The following CNIH3 variants were observed in gnomAD, a reference collection of about 807,000 sequenced individuals.
The protein encoded by CNIH3 is protein cornichon homolog 3.
In CNIH3, 14 loss-of-function variants were observed where a neutral mutation model predicts 24.1. The ratio of observed to expected loss-of-function variants is 0.58; its 90% CI spans 0.38 to 0.91. CNIH3 has a LOEUF of 0.91. Ranked by LOEUF, CNIH3 falls within the 40% of genes least tolerant of loss-of-function variation. The pLI is 0.00. For synonymous variants in CNIH3, 68 were observed against 73.8 expected (o/e 0.92, Z 0.40); for missense variants, 178 against 196.8 (o/e 0.90, Z 0.57).
intron 1 of CNIH3, among the ~76,000 whole-genome samples, chr1:224,656,359 C>A (rs902266704): frequency 1.7e-4 from 26 of 152,196 alleles, no homozygotes; most frequent in African/African-American, 6.3e-4. Flanking sequence ...TTTAAAATAC[C>A]AGAATATGGA....
At chr1:224,729,533 T>G (rs1309436224) in intron 3 of CNIH3, among the ~76,000 whole-genome samples, 1 of 150,764 alleles carries the variant, frequency 6.6e-6, no homozygotes, top group East Asian at 1.9e-4. Context: ...CAAAGTATAT[T>G]TATATATTAT....
chr1:224,711,166 A>G (rs531576770), intron 3 of CNIH3, among the ~76,000 whole-genome samples: 1 of 152,364 alleles, frequency 6.6e-6, no homozygotes, highest in South Asian at 2.1e-4. Context: ...CTGTATGGAG[A>G]TGAATATGTC....
intron 1 of CNIH3, among the ~76,000 whole-genome samples, chr1:224,439,302 G>A (rs905216041): frequency 2.0e-5 from 3 of 152,158 alleles, no homozygotes; most frequent in East Asian, 1.9e-4. Flanking sequence ...TGCCACAGGC[G>A]CCTTTACAGC....
chr1:224,594,054 A>G (rs1221514203), intron 3 of CNIH3, among the ~76,000 whole-genome samples: 2 of 152,242 alleles, frequency 1.3e-5, no homozygotes, highest in South Asian at 2.1e-4. Context: ...GAGAAGTTGA[A>G]AAAGTTCTGG....
intron 1 of CNIH3, among the ~76,000 whole-genome samples, chr1:224,496,083 C>A (rs900586845): frequency 1.6e-4 from 24 of 152,310 alleles, no homozygotes; most frequent in Admixed American, 9.8e-4. Flanking sequence ...GCCCCTTGTC[C>A]TCCCAGCTGC....
At chr1:224,595,742 A>G (rs1681950615) in intron 3 of CNIH3, among the ~76,000 whole-genome samples, 4 of 152,236 alleles carry the variant, frequency 2.6e-5, no homozygotes, top group African/African-American at 9.6e-5. Flanking sequence ...GCACTACTCC[A>G]GTGAACACAC....
intron 1 of CNIH3, among the ~76,000 whole-genome samples, chr1:224,491,079 T>C (rs879708314): frequency 2.0e-5 from 3 of 152,230 alleles, no homozygotes; most frequent in Non-Finnish European, 4.4e-5. Flanking sequence ...CTTGTCTGCC[T>C]ATTACAAGGT....
intron 1 of CNIH3, among the ~76,000 whole-genome samples, chr1:224,631,105 G>T (rs1404936165): frequency 3.3e-5 from 5 of 152,128 alleles, no homozygotes; most frequent in Non-Finnish European, 5.9e-5. Flanking sequence ...GTTGGTTGCG[G>T]TGAGCTGAGA....
intron 1 of CNIH3, among the ~76,000 whole-genome samples, chr1:224,651,309 TC>T (rs1324079392): frequency 8.5e-5 from 13 of 152,232 alleles, no homozygotes; most frequent in Admixed American, 3.3e-4. Context: ...TACGTAGTGG[TC>T]ACCTCTGTTA....
At chr1:224,721,960 T>C (rs1688746760) in intron 3 of CNIH3, among the ~76,000 whole-genome samples, 2 of 152,072 alleles carry the variant, frequency 1.3e-5, no homozygotes, top group South Asian at 2.1e-4. Flanking sequence ...TCAGGGGTGC[T>C]CTCCCACGGG....
At chr1:224,702,205 C>G (rs956705496) in intron 3 of CNIH3, among the ~76,000 whole-genome samples, 3 of 152,106 alleles carry the variant, frequency 2.0e-5, no homozygotes, top group African/African-American at 7.2e-5. Flanking sequence ...CTATAGGTTT[C>G]TCTTAAAAAT....
At chr1:224,710,510 C>T (rs1688081149) in intron 3 of CNIH3, among the ~76,000 whole-genome samples, 1 of 152,212 alleles carries the variant, frequency 6.6e-6, no homozygotes, top group Admixed American at 6.5e-5. Flanking sequence ...CTCTGGATCC[C>T]AGTTTTGGAG....
chr1:224,529,957 C>T (rs1430399091), intron 2 of CNIH3, among the ~76,000 whole-genome samples: 2 of 152,148 alleles, frequency 1.3e-5, no homozygotes, highest in Non-Finnish European at 2.9e-5. Context: ...ACCCGAAGAT[C>T]CATGGAGGGG....
intron 1 of CNIH3, among the ~76,000 whole-genome samples, chr1:224,638,678 C>G (rs1203035871): frequency 1.3e-5 from 2 of 152,096 alleles, no homozygotes; most frequent in Admixed American, 1.3e-4. Flanking sequence ...TTTTAGCTCC[C>G]AAGTGATTAG....
intron 3 of CNIH3, among the ~76,000 whole-genome samples, chr1:224,713,522 C>CT (rs1688269127): frequency 6.6e-6 from 1 of 152,190 alleles, no homozygotes; most frequent in African/African-American, 2.4e-5. Context: ...TCTGAGTTCT[C>CT]TGAGCTTCAC....
At chr1:224,509,229 G>A (rs1239851828) in intron 1 of CNIH3, among the ~76,000 whole-genome samples, 1 of 152,112 alleles carries the variant, frequency 6.6e-6, no homozygotes, top group Non-Finnish European at 1.5e-5. Context: ...AGGCTGAGAC[G>A]CAAGAATTGC....
chr1:224,591,633 G>A (rs918148444), downstream of CNIH3, among the ~76,000 whole-genome samples: 4 of 152,146 alleles, frequency 2.6e-5, no homozygotes, highest in Non-Finnish European at 2.9e-5. Flanking sequence ...ATACTATGCC[G>A]TAAAACAGCC....
chr1:224,526,545 T>C (rs775757931), intron 2 of CNIH3, among the ~76,000 whole-genome samples: 16 of 152,306 alleles, frequency 1.1e-4, no homozygotes, highest in Middle Eastern at 3.4e-3. Context: ...GAGAGCAGAT[T>C]CACTTTATTT....
chr1:224,578,056 T>C (rs548867159), intron 4 of CNIH3, among the ~76,000 whole-genome samples: 3 of 152,158 alleles, frequency 2.0e-5, no homozygotes, highest in South Asian at 4.2e-4. Context: ...AAACTGCATA[T>C]TGGGTACAGT....
Sources: gnomAD v4.1 joint callset for allele counts (sites outside exome capture counted in the v4.1 genomes callset) on GRCh38, gnomAD v4.1.1 for gene constraint, MANE v1.5 for transcripts, NCBI Gene and HGNC (gene_info 2026-07-23, HGNC 2026-07-21) for gene names.